The following IQGAP2 variants were observed in gnomAD, a reference collection of about 807,000 sequenced individuals.
IQGAP2 encodes ras GTPase-activating-like protein IQGAP2.
IQGAP2 carries 173 observed loss-of-function variants against 201.3 expected under a neutral mutation model. That is an observed-to-expected ratio of 0.86 (90% confidence interval 0.76 to 0.98). IQGAP2 has a LOEUF of 0.98. Ranked by LOEUF, IQGAP2 falls within the 50% of genes least tolerant of loss-of-function variation. IQGAP2 has a pLI of 0.00. For missense variants in IQGAP2, 1,687 were observed against 1,864.8 expected, an observed-to-expected ratio of 0.90 and a Z score of 1.76; for synonymous variants, 675 against 673.9, an observed-to-expected ratio of 1.00 and a Z score of -0.03.
chr5:76,693,716 A>G, intron 31 of IQGAP2: 1 of 259,870 alleles, frequency 3.8e-6, no homozygotes. Flanking sequence ...AAGCCCGGAA[A>G]TGTTCATCAT....
At chr5:76,646,497 G>A (rs1385469911) in intron 17 of IQGAP2, among the ~76,000 whole-genome samples, 4 of 152,072 alleles carry the variant, frequency 2.6e-5, no homozygotes, top group Admixed American at 1.3e-4. Flanking sequence ...CAAGATCCTC[G>A]GATGATTTTA....
At chr5:76,505,060 T>C (rs934997764) in intron 2 of IQGAP2, among the ~76,000 whole-genome samples, 7 of 152,264 alleles carry the variant, frequency 4.6e-5, no homozygotes, top group Non-Finnish European at 8.8e-5. Flanking sequence ...CCCTTGATGC[T>C]CAAATGAGGT....
intron 13 of IQGAP2, among the ~76,000 whole-genome samples, chr5:76,624,139 C>T (rs1032353928): frequency 2.6e-4 from 39 of 151,892 alleles, no homozygotes; most frequent in African/African-American, 8.5e-4. Context: ...GTAAAATATA[C>T]GTAACATAAA....
chr5:76,478,707 C>A (rs555835864), intron 2 of IQGAP2, among the ~76,000 whole-genome samples: 1 of 152,196 alleles, frequency 6.6e-6, no homozygotes, highest in South Asian at 2.1e-4. Flanking sequence ...GGTGTGTAGC[C>A]CAGGAGCAAT....
intron 1 of IQGAP2, among the ~76,000 whole-genome samples, chr5:76,444,542 G>T (rs1303469931): frequency 2.0e-5 from 3 of 152,218 alleles, no homozygotes; most frequent in Middle Eastern, 6.8e-3. Context: ...TAGGTGATCC[G>T]CCCACCTTGG....
At chr5:76,470,999 A>T (rs983084129) in intron 2 of IQGAP2, among the ~76,000 whole-genome samples, 2 of 152,228 alleles carry the variant, frequency 1.3e-5, no homozygotes, top group Non-Finnish European at 2.9e-5. Flanking sequence ...ATTTTATATT[A>T]ATCTGCCTAA....
intron 11 of IQGAP2, among the ~76,000 whole-genome samples, chr5:76,604,156 G>T (rs1258382688): frequency 1.3e-5 from 2 of 151,862 alleles, no homozygotes; most frequent in Non-Finnish European, 2.9e-5. Context: ...ATGCCTCGGT[G>T]TATGTTGTTG....
At chr5:76,586,796 G>A (rs2150301806) in intron 5 of IQGAP2, among the ~76,000 whole-genome samples, 1 of 152,290 alleles carries the variant, frequency 6.6e-6, no homozygotes, top group East Asian at 1.9e-4. Flanking sequence ...CTCTTCAGTG[G>A]GAGCCTGCGT....
intron 17 of IQGAP2, among the ~76,000 whole-genome samples, chr5:76,642,743 T>C (rs1018725913): frequency 1.1e-4 from 16 of 152,304 alleles, no homozygotes; most frequent in Middle Eastern, 3.4e-3. Flanking sequence ...CACAGTAGTC[T>C]TAACACATTT....
rs373399812 is a variant in IQGAP2 at position 76,499,446 on chromosome 5, C to G, written c.146+37777C>G. The stretch of plus-strand genomic sequence containing the variant: ...CCCCATTCAGAAATAAAACAACTCC[C>G]TTAAAGGGGAGAGATACCATCACCT... On this transcript the variant is annotated intron_variant, in intron 2 of 35. Coordinates refer to ENST00000274364, the MANE Select transcript of IQGAP2 (RefSeq NM_006633.5). 2.5e-4 allele frequency among the ~76,000 whole-genome samples: 38 copies of G among 152,276 alleles called. No individual in the cohort carries two copies. In the South Asian group the frequency reaches 7.9e-3, roughly 32 times the overall value.
At chr5:76,412,856 C>G (rs1483227894) in intron 1 of IQGAP2, among the ~76,000 whole-genome samples, 2 of 152,182 alleles carry the variant, frequency 1.3e-5, no homozygotes, top group Non-Finnish European at 2.9e-5. Context: ...GTTTTAATTT[C>G]TCTGTGCCTC....
At chr5:76,666,935 AG>A (rs1338728992) in intron 22 of IQGAP2, among the ~76,000 whole-genome samples, 1 of 152,116 alleles carries the variant, frequency 6.6e-6, no homozygotes, top group Non-Finnish European at 1.5e-5. Context: ...TTGTAGAGAC[AG>A]GGTTTTTCCA....
chr5:76,509,599 T>C (rs1323587473), intron 2 of IQGAP2, among the ~76,000 whole-genome samples: 1 of 152,108 alleles, frequency 6.6e-6, no homozygotes, highest in East Asian at 1.9e-4. Context: ...TTTCACCATG[T>C]TAGCCAGGAT....
At chr5:76,683,322 A>G in intron 29 of IQGAP2, 105 bp downstream of exon 29, 1 of 653,362 alleles carries the variant, frequency 1.5e-6, no homozygotes, top group Non-Finnish European at 2.6e-6. Flanking sequence ...ATTATTTTGG[A>G]ATTTAATGCT....
At chr5:76,560,001 T>A (rs1744248788) in intron 2 of IQGAP2, among the ~76,000 whole-genome samples, 1 of 152,224 alleles carries the variant, frequency 6.6e-6, no homozygotes, top group African/African-American at 2.4e-5. Context: ...TTACTTTTTT[T>A]GTTTTTCCAG....
At chr5:76,629,724 G>A (rs558254812) in intron 14 of IQGAP2, among the ~76,000 whole-genome samples, 8 of 152,210 alleles carry the variant, frequency 5.3e-5, no homozygotes, top group South Asian at 2.1e-4. Context: ...TTTTTGCCCC[G>A]TTAGGGGTTC....
intron 2 of IQGAP2, among the ~76,000 whole-genome samples, chr5:76,541,939 G>A (rs1742804153): frequency 6.6e-6 from 1 of 152,174 alleles, no homozygotes; most frequent in Non-Finnish European, 1.5e-5. Context: ...AAGAGTTTTA[G>A]ATGTATTTGA....
At chr5:76,465,931 G>A (rs1369785014) in intron 2 of IQGAP2, among the ~76,000 whole-genome samples, 1 of 152,068 alleles carries the variant, frequency 6.6e-6, no homozygotes, top group East Asian at 1.9e-4. Context: ...TTGGAAAATA[G>A]CATTAAGAAA....
chr5:76,414,461 C>T (rs1367615830), intron 1 of IQGAP2, among the ~76,000 whole-genome samples: 3 of 152,182 alleles, frequency 2.0e-5, no homozygotes, highest in Non-Finnish European at 4.4e-5. Context: ...CATGCTTTTG[C>T]TCTCATTCTG....
Sources: gnomAD v4.1 joint callset for allele counts (sites outside exome capture counted in the v4.1 genomes callset) on GRCh38, gnomAD v4.1.1 for gene constraint, MANE v1.5 for transcripts, NCBI Gene and HGNC (gene_info 2026-07-23, HGNC 2026-07-21) for gene names.